Variants in VAT1L observed in about 807,000 individuals in gnomAD.
VAT1L encodes vesicle amine transport 1 like, also known as putative NADPH-dependent quinone oxidoreductase VAT1L.
A neutral mutation model predicts 44.1 loss-of-function variants in VAT1L; 34 were observed. The observed-to-expected ratio is 0.77, with a 90% CI of 0.59 to 1.03. VAT1L has a LOEUF of 1.03. Ranked by LOEUF, VAT1L falls within the 50% of genes least tolerant of loss-of-function variation. The pLI is 0.00. For missense variants in VAT1L, 615 were observed against 538.8 expected, an observed-to-expected ratio of 1.14 and a Z score of -1.40; for synonymous variants, 253 against 202.2, an observed-to-expected ratio of 1.25 and a Z score of -2.13.
At chr16:77,972,773 CTG>C (rs1267355749) in intron 8 of VAT1L, among the ~76,000 whole-genome samples, 6 of 150,468 alleles carry the variant, frequency 4.0e-5, no homozygotes, top group African/African-American at 1.5e-4. Flanking sequence ...TAGAATGAGA[CTG>C]TCTCAAAAAT....
chr16:77,911,208 T>C (rs996196645), intron 7 of VAT1L, among the ~76,000 whole-genome samples: 2 of 152,224 alleles, frequency 1.3e-5, no homozygotes, highest in Admixed American at 1.3e-4. Context: ...ATATCGTTGG[T>C]TATCCCAGTG....
intron 3 of VAT1L, among the ~76,000 whole-genome samples, chr16:77,857,831 T>G (rs1567489491): frequency 7.7e-6 from 1 of 129,090 alleles, no homozygotes; most frequent in African/African-American, 3.0e-5. Flanking sequence ...CTATATTATC[T>G]CTCTCTTTTT....
chr16:77,799,925 A>G (rs1007524263), intron 1 of VAT1L: 1 of 152,190 alleles, frequency 6.6e-6, no homozygotes, highest in Non-Finnish European at 1.5e-5. Context: ...TAGGCACTCA[A>G]TAAGTCTGGA....
intron 7 of VAT1L, among the ~76,000 whole-genome samples, chr16:77,938,933 G>C (rs1451935923): frequency 6.6e-6 from 1 of 152,150 alleles, no homozygotes; most frequent in Non-Finnish European, 1.5e-5. Context: ...GGAGTGTGGG[G>C]ATGGGAGAGA....
intron 4 of VAT1L, among the ~76,000 whole-genome samples, chr16:77,871,850 T>C (rs1662928827): frequency 6.6e-6 from 1 of 152,122 alleles, no homozygotes; most frequent in South Asian, 2.1e-4. Flanking sequence ...TCAGCTCCAG[T>C]CATTTCTGGG....
At chr16:77,815,715 TC>T (rs1159577973) in intron 1 of VAT1L, among the ~76,000 whole-genome samples, 1 of 151,900 alleles carries the variant, frequency 6.6e-6, no homozygotes, top group Non-Finnish European at 1.5e-5. Flanking sequence ...ATGCCTGTAA[TC>T]CCAGCAATTT....
intron 7 of VAT1L, among the ~76,000 whole-genome samples, chr16:77,937,485 T>C (rs1325154029): frequency 1.3e-5 from 2 of 152,092 alleles, no homozygotes. Context: ...CAAGAGACTT[T>C]CCCCCACTAC....
chr16:77,820,837 T>C (rs1243101124), intron 2 of VAT1L, among the ~76,000 whole-genome samples: 1 of 152,206 alleles, frequency 6.6e-6, no homozygotes, highest in South Asian at 2.1e-4. Context: ...AACATATTAG[T>C]TTTTGTTTTG....
intron 3 of VAT1L, among the ~76,000 whole-genome samples, chr16:77,858,493 GTT>G (rs1269396956): frequency 2.6e-5 from 4 of 152,326 alleles, no homozygotes; most frequent in African/African-American, 9.6e-5. Context: ...AGCATTGATT[GTT>G]CTAGGCACTT....
intron 7 of VAT1L, among the ~76,000 whole-genome samples, chr16:77,949,154 G>C (rs1051755642): frequency 6.6e-6 from 1 of 152,188 alleles, no homozygotes; most frequent in African/African-American, 2.4e-5. Flanking sequence ...ATACTGTAGG[G>C]AGATGATGAG....
chr16:77,825,971 C>T (rs1236784666), intron 3 of VAT1L, among the ~76,000 whole-genome samples: 1 of 140,918 alleles, frequency 7.1e-6, no homozygotes, highest in African/African-American at 2.7e-5. Context: ...TGCAGTGAGC[C>T]GAGATTGCGC....
At chr16:77,915,343 C>T (rs949877032) in intron 7 of VAT1L, among the ~76,000 whole-genome samples, 30 of 152,270 alleles carry the variant, frequency 2.0e-4, no homozygotes, top group African/African-American at 6.0e-4. Context: ...TATGCATATA[C>T]GGATTTTTTC....
chr16:77,880,449 C>A (rs1298158967), intron 6 of VAT1L, among the ~76,000 whole-genome samples: 1 of 151,968 alleles, frequency 6.6e-6, no homozygotes, highest in Non-Finnish European at 1.5e-5. Context: ...TGTGAGCCAT[C>A]GTACTCGGCC....
chr16:77,910,784 G>A (rs940459773), intron 7 of VAT1L, among the ~76,000 whole-genome samples: 1 of 151,846 alleles, frequency 6.6e-6, no homozygotes, highest in Admixed American at 6.6e-5. Context: ...CTTGACATTA[G>A]TTAAGCTACT....
At position 77,909,353 on chromosome 16, in the gene VAT1L, C is replaced by A. The variant is rs564307872; in HGVS notation, c.1077+24551C>A. ...TCTGCAGTAAGGATTATAAAGATTT[C>A]TTGGCAGGTGCAGTGGCTCATGCCT... On this transcript the variant is annotated intron_variant, in intron 7 of 8. Coordinates refer to ENST00000302536, the MANE Select transcript of VAT1L (RefSeq NM_020927.3). Among the ~76,000 whole-genome samples the A allele has an allele frequency of 1.2e-4, 19 of 152,224 alleles. No homozygotes were observed. The South Asian group carries it at 2.7e-3, about 22-fold the overall frequency.
At chr16:77,950,711 T>A (rs2018032427) in intron 7 of VAT1L, among the ~76,000 whole-genome samples, 1 of 152,212 alleles carries the variant, frequency 6.6e-6, no homozygotes, top group Non-Finnish European at 1.5e-5. Context: ...TTTTAAATAT[T>A]GAATAACATA....
intron 3 of VAT1L, among the ~76,000 whole-genome samples, chr16:77,847,408 A>G (rs566600979): frequency 8.1e-4 from 123 of 152,298 alleles, no homozygotes; most frequent in African/African-American, 2.6e-3. Flanking sequence ...TGGTCCTGGA[A>G]ACGTATTGCC....
chr16:77,819,378 CT>C (rs201044786), intron 2 of VAT1L, among the ~76,000 whole-genome samples: 155 of 150,136 alleles, frequency 1.0e-3, no homozygotes, highest in Non-Finnish European at 1.4e-3. Context: ...TTTCTTTTTT[CT>C]TTTTTTTTTC....
At chr16:77,937,691 G>C (rs1309510419) in intron 7 of VAT1L, among the ~76,000 whole-genome samples, 1 of 152,202 alleles carries the variant, frequency 6.6e-6, no homozygotes, top group Non-Finnish European at 1.5e-5. Flanking sequence ...CAGTGAATAG[G>C]CCAGTTGGAG....
Sources: gnomAD v4.1 joint callset for allele counts (sites outside exome capture counted in the v4.1 genomes callset) on GRCh38, gnomAD v4.1.1 for gene constraint, MANE v1.5 for transcripts, NCBI Gene and HGNC (gene_info 2026-07-23, HGNC 2026-07-21) for gene names.